Variants in DPYSL5 observed in about 807,000 individuals in gnomAD.
DPYSL5 encodes dihydropyrimidinase like 5.
Under a neutral mutation model 58.4 loss-of-function variants are expected in DPYSL5, and 9 were observed. The observed-to-expected ratio is 0.15, with a 90% CI of 0.09 to 0.27. The LOEUF is 0.27. DPYSL5 is among the 10% of genes least tolerant of loss of function. The pLI is 1.00. For synonymous variants in DPYSL5, 293 were observed against 301.9 expected, an observed-to-expected ratio of 0.97 and a Z score of 0.31; for missense variants, 499 against 770.6, an observed-to-expected ratio of 0.65 and a Z score of 4.17.
At chr2:26,939,960 T>C in intron 8 of DPYSL5, 71 bp from the exon 9 acceptor site, 1 of 1,591,268 alleles carries the variant, frequency 6.3e-7, no homozygotes, top group Non-Finnish European at 8.6e-7. Context: ...GGATTTTCCC[T>C]ATATCTATCC....
intron 1 of DPYSL5, among the ~76,000 whole-genome samples, chr2:26,854,499 T>G (rs1665830135): frequency 6.6e-6 from 1 of 152,042 alleles, no homozygotes; most frequent in South Asian, 2.1e-4. Flanking sequence ...AAAGAAACCC[T>G]AACCATAAAA....
At chr2:26,866,073 C>A (rs561664977) in intron 1 of DPYSL5, among the ~76,000 whole-genome samples, 1 of 152,176 alleles carries the variant, frequency 6.6e-6, no homozygotes, top group Admixed American at 6.5e-5. Context: ...CAGCATAGCC[C>A]CTAAATGAGA....
In DPYSL5 at chr2:26,849,569, C is replaced by T. The variant is rs901814685; in HGVS notation, c.-5+1315C>T. Among the ~76,000 whole-genome samples, 2 of 152,156 alleles carry T rather than the reference C, an allele frequency of 1.3e-5. No individual in the cohort carries two copies. The highest frequency in any genetic ancestry group is 4.8e-5 in the African/African-American group (2 of 41,454). ...TCGCTTAGGGTTTTGTGATCTTCCG[C>T]GGCGCCCACGGCACGCCCTTTTCTC... On this transcript the variant is annotated intron_variant, in intron 1 of 12. Coordinates refer to ENST00000288699, the MANE Select transcript of DPYSL5 (RefSeq NM_020134.4). This position sits in a 1 kb window ranked among gnomAD's most constrained non-coding sequence, Gnocchi z 6.2.
chr2:26,925,061 G>A lies in DPYSL5; in HGVS notation c.420+16G>A, dbSNP rs375159512. 5.2e-5 allele frequency: 83 copies of A among 1,610,856 alleles called. No homozygotes were observed. In the African/African-American group the frequency reaches 9.1e-4, roughly 18 times the overall value. ...GGCACCCAAGGTAACAGTGCTGGTG[G>A]GATCCCAGAAGAAGGCACAAGTGGT... On this transcript the variant is annotated intron_variant, in intron 3 of 12. Coordinates refer to ENST00000288699, the MANE Select transcript of DPYSL5 (RefSeq NM_020134.4). The surrounding 1 kb of genome is among the most constrained non-coding windows in gnomAD (Gnocchi z 4.5).
At chr2:26,926,185 G>C (rs368752283) in intron 3 of DPYSL5, among the ~76,000 whole-genome samples, 1 of 152,226 alleles carries the variant, frequency 6.6e-6, no homozygotes, top group East Asian at 1.9e-4. Flanking sequence ...TGAGCTGGGG[G>C]CTCACCCGGT....
At chr2:26,891,685 T>C (rs1303270916) in intron 1 of DPYSL5, among the ~76,000 whole-genome samples, 1 of 152,170 alleles carries the variant, frequency 6.6e-6, no homozygotes, top group African/African-American at 2.4e-5. Flanking sequence ...AATAACTTTT[T>C]TTTTTTAGAC....
intron 2 of DPYSL5, among the ~76,000 whole-genome samples, chr2:26,918,685 T>G (rs1047835265): frequency 6.6e-6 from 1 of 152,234 alleles, no homozygotes; most frequent in Non-Finnish European, 1.5e-5. Flanking sequence ...TGATTCTTAG[T>G]GCAGTATTGT....
chr2:26,866,444 C>T lies in DPYSL5; in HGVS notation c.-5+18190C>T, dbSNP rs77842606. Among the ~76,000 whole-genome samples, 190 of 151,898 alleles carry T rather than the reference C, an allele frequency of 1.3e-3. 6 individuals are homozygous for T. The East Asian group carries it at 0.035, about 28-fold the overall frequency. On this transcript the variant is annotated intron_variant, in intron 1 of 12. Transcript: ENST00000288699. ...TAGCCACCATTAGCAGTTTGGTGACCACCTTTCATGCATCTCATTATGCAA... is the reference window on the plus strand; with the variant it reads ...TAGCCACCATTAGCAGTTTGGTGACTACCTTTCATGCATCTCATTATGCAA...
intron 1 of DPYSL5, among the ~76,000 whole-genome samples, chr2:26,858,233 G>A (rs893911268): frequency 2.3e-5 from 3 of 128,106 alleles, no homozygotes; most frequent in Admixed American, 8.5e-5. Flanking sequence ...GTGCAGAGGC[G>A]CGATCTCGGC....
chr2:26,912,412 C>G (rs1239069678), intron 2 of DPYSL5, among the ~76,000 whole-genome samples: 5 of 152,192 alleles, frequency 3.3e-5, no homozygotes, highest in Admixed American at 6.5e-5. Flanking sequence ...ATGGAGAAAG[C>G]GGAGTTACAT....
In DPYSL5 at chr2:26,948,247, G is replaced by A. The variant is rs1198633412; in HGVS notation, c.*1252G>A. On this transcript the variant is annotated 3_prime_UTR_variant, in exon 13 of 13. Transcript: ENST00000288699. ...CAGACACCAGAGAGGGAGACCCCAG[G>A]CCCACAGGACCTGGCTGTCGAACCC... 5 of 152,356 alleles carry A rather than the reference G, an allele frequency of 3.3e-5. No individual in the cohort carries two copies. Among genetic ancestry groups the A allele is most frequent in the Admixed American group, 2.6e-4 (4 of 15,286 alleles). The allele number at this position is 152,356 out of a possible 1,614,324, so 9.4% of individuals were successfully genotyped here. A position where few individuals can be genotyped will look rare whatever the true frequency, so the allele number is the denominator to read the frequency against.
intron 1 of DPYSL5, among the ~76,000 whole-genome samples, chr2:26,878,536 GATTATGA>G (rs1203184474): frequency 1.3e-5 from 2 of 152,150 alleles, no homozygotes; most frequent in East Asian, 3.9e-4. Flanking sequence ...TCCGGCTTTG[GATTATGA>G]TAAAAAGAAA....
chr2:26,933,955 G>A lies in DPYSL5; in HGVS notation c.790+622G>A, dbSNP rs1203025809. Among the ~76,000 whole-genome samples, 1 of 152,022 alleles carries A rather than the reference G, an allele frequency of 6.6e-6. No homozygotes were observed. The highest frequency in any genetic ancestry group is 1.5e-5 in the Non-Finnish European group (1 of 67,986). On this transcript the variant is annotated intron_variant, in intron 7 of 12. Transcript: ENST00000288699. The surrounding 1 kb of genome is among the most constrained non-coding windows in gnomAD (Gnocchi z 4.2). The stretch of plus-strand genomic sequence containing the variant: ...CCTGGGGAGACAGATCAGAAGCAAG[G>A]GCATCTCAGCCTTCAACTATAATCG...
chr2:26,884,558 A>G (rs1479813127), intron 1 of DPYSL5, among the ~76,000 whole-genome samples: 1 of 151,172 alleles, frequency 6.6e-6, no homozygotes, highest in African/African-American at 2.4e-5. Flanking sequence ...ACACACACTC[A>G]GCTCTGGCTT....
rs967733377 is a variant in DPYSL5, at chr2:26,927,324, G to A, written c.492G>A (p.Lys164=). 6.2e-7 allele frequency: 1 copy of A among 1,614,118 alleles called. No homozygotes were observed. Among genetic ancestry groups the A allele is most frequent in the Non-Finnish European group, 8.5e-7 (1 of 1,180,044 alleles). Residue 164 remains lysine, a synonymous_variant, in exon 4 of 13, where the codon AAG becomes AAA. Coordinates refer to ENST00000288699, the MANE Select transcript of DPYSL5 (RefSeq NM_020134.4). The surrounding 1 kb of genome is among the most constrained non-coding windows in gnomAD (Gnocchi z 4.3). ...CGTTCCAGATGTTCATGACCTACAAGGACCTGTACATGCTTCGAGACAGTG... is the reference window on the plus strand; with the variant it reads ...CGTTCCAGATGTTCATGACCTACAAAGACCTGTACATGCTTCGAGACAGTG... ...VNSFQMFMTY[K]DLYMLRDSEL...
At chr2:26,928,161 G>T in intron 4 of DPYSL5, 94 bp from the exon 5 acceptor site, 1 of 1,276,592 alleles carries the variant, frequency 7.8e-7, no homozygotes, top group South Asian at 1.2e-5. Context: ...GAAACAGGCG[G>T]TGTCTAGCAT....
intron 1 of DPYSL5, among the ~76,000 whole-genome samples, chr2:26,897,873 G>T (rs1468202390): frequency 2.0e-5 from 3 of 152,170 alleles, no homozygotes; most frequent in African/African-American, 7.2e-5. Context: ...TGAGCTTCAT[G>T]TGCAACCAGC....
At chr2:26,888,208 C>CTT (rs1553316444) in intron 1 of DPYSL5, among the ~76,000 whole-genome samples, 2 of 117,826 alleles carry the variant, frequency 1.7e-5, no homozygotes, top group Non-Finnish European at 3.6e-5. Flanking sequence ...CCTTCCCTTT[C>CTT]TTTTCTTTCT....
chr2:26,894,825 C>G (rs1663972545), intron 1 of DPYSL5, among the ~76,000 whole-genome samples: 1 of 152,170 alleles, frequency 6.6e-6, no homozygotes, highest in Non-Finnish European at 1.5e-5. Flanking sequence ...TCACTGATTT[C>G]CAAAGCAGAG....
Sources: gnomAD v4.1 joint callset for allele counts (sites outside exome capture counted in the v4.1 genomes callset) on GRCh38, gnomAD v4.1.1 for gene constraint, Gnocchi (gnomAD v3.1) non-coding constraint, MANE v1.5 for transcripts, NCBI Gene and HGNC (gene_info 2026-07-23, HGNC 2026-07-21) for gene names.